LMCD1: variants seen among roughly 807,000 people sequenced by gnomAD.
The protein encoded by LMCD1 is LIM and cysteine rich domains 1.
In LMCD1, 32 loss-of-function variants were observed where a neutral mutation model predicts 42.7. The ratio of observed to expected loss-of-function variants is 0.75; its 90% CI spans 0.57 to 1.01. The LOEUF is 1.01. Among genes scored for constraint, LMCD1 ranks in the 50% least tolerant of loss-of-function variants. The pLI, the probability that LMCD1 is intolerant of heterozygous loss-of-function variation, is 0.00. For missense variants in LMCD1, 458 were observed against 483.1 expected (o/e 0.95, Z 0.49); for synonymous variants, 178 against 184.9 (o/e 0.96, Z 0.30).
At chr3:8,511,551 C>T (rs1418898763) in intron 1 of LMCD1, among the ~76,000 whole-genome samples, 2 of 152,122 alleles carry the variant, frequency 1.3e-5, no homozygotes, top group Admixed American at 6.5e-5. Flanking sequence ...TCAAGAAAGG[C>T]GTCCCAAAGA....
At chr3:8,557,312 A>C (rs1183494390) in intron 4 of LMCD1, among the ~76,000 whole-genome samples, 1 of 152,222 alleles carries the variant, frequency 6.6e-6, no homozygotes, top group Non-Finnish European at 1.5e-5. Flanking sequence ...CATAAGAGGA[A>C]ATGGAGAGAT....
intron 1 of LMCD1, among the ~76,000 whole-genome samples, chr3:8,502,717 C>G (rs367965989): frequency 2.0e-5 from 3 of 151,920 alleles, no homozygotes; most frequent in East Asian, 3.9e-4. Flanking sequence ...AGGGCTGGCC[C>G]GGAGCCCAGA....
chr3:8,554,643 G>A (rs1009563459), intron 4 of LMCD1, among the ~76,000 whole-genome samples: 3 of 152,158 alleles, frequency 2.0e-5, no homozygotes, highest in East Asian at 1.9e-4. Context: ...GGAGCCCCTC[G>A]CGCACTCTCC....
chr3:8,536,717 ACT>A (rs1559351049), intron 2 of LMCD1, among the ~76,000 whole-genome samples: 1 of 152,136 alleles, frequency 6.6e-6, no homozygotes, highest in Non-Finnish European at 1.5e-5. Flanking sequence ...TAAGCCAGAT[ACT>A]CTCTGTTGTA....
At chr3:8,514,048 ATG>A (rs746216297) in intron 1 of LMCD1, among the ~76,000 whole-genome samples, 54 of 151,396 alleles carry the variant, frequency 3.6e-4, no homozygotes, top group African/African-American at 1.0e-3. Flanking sequence ...TTGAATATTT[ATG>A]TGTGTGTGTG....
At chr3:8,541,413 G>A (rs1391330012) in intron 3 of LMCD1, among the ~76,000 whole-genome samples, 4 of 152,258 alleles carry the variant, frequency 2.6e-5, no homozygotes, top group Non-Finnish European at 2.9e-5. Context: ...GCCGGGTGTG[G>A]TAGCAGGCGC....
intron 1 of LMCD1, among the ~76,000 whole-genome samples, chr3:8,511,247 G>A (rs1422543489): frequency 1.3e-5 from 2 of 152,212 alleles, no homozygotes; most frequent in African/African-American, 4.8e-5. Flanking sequence ...AGGTGAAATG[G>A]TAAAGAGAAT....
chr3:8,527,306 T>C (rs965033590), intron 1 of LMCD1, among the ~76,000 whole-genome samples: 2 of 152,146 alleles, frequency 1.3e-5, no homozygotes, highest in Non-Finnish European at 2.9e-5. Context: ...TCAAAGGAGC[T>C]CCAATGGAGA....
chr3:8,558,486 C>T (rs909728312), intron 4 of LMCD1, among the ~76,000 whole-genome samples: 4 of 152,238 alleles, frequency 2.6e-5, no homozygotes, highest in African/African-American at 9.6e-5. Context: ...CACACATCCT[C>T]TACCCAGGTG....
chr3:8,528,629 A>G (rs1018281488), intron 1 of LMCD1, among the ~76,000 whole-genome samples: 1 of 152,238 alleles, frequency 6.6e-6, no homozygotes, highest in Non-Finnish European at 1.5e-5. Context: ...GAGTTACTCC[A>G]TGAGGAAGAA....
intron 3 of LMCD1, among the ~76,000 whole-genome samples, chr3:8,539,119 G>A (rs1439554305): frequency 6.6e-6 from 1 of 152,142 alleles, no homozygotes; most frequent in African/African-American, 2.4e-5. Context: ...CTAATCACAT[G>A]AGAGAGACCA....
intron 3 of LMCD1, among the ~76,000 whole-genome samples, chr3:8,546,008 T>TC (rs1296463659): frequency 6.6e-6 from 1 of 152,124 alleles, no homozygotes; most frequent in Non-Finnish European, 1.5e-5. Context: ...ACGCCTATAA[T>TC]CCCAGCCACT....
rs533778477 is a variant in LMCD1, at chr3:8,509,528, C to G, written c.42+7548C>G. Among the ~76,000 whole-genome samples the G allele has an allele frequency of 2.6e-5, 4 of 152,290 alleles. No homozygotes were observed. In the East Asian group the frequency reaches 5.8e-4, roughly 22 times the overall value. On this transcript the variant is annotated intron_variant, in intron 1 of 5. Coordinates refer to ENST00000157600, the MANE Select transcript of LMCD1 (RefSeq NM_014583.4). Reference sequence around the variant, plus strand: ...CATCTGTTATGTGCCAGCCACTGTGCTAAGTACTGAATACATGACAATGAA... The same window carrying G: ...CATCTGTTATGTGCCAGCCACTGTGGTAAGTACTGAATACATGACAATGAA...
In LMCD1 at chr3:8,545,298, A is replaced by G. The variant is rs796425368; in HGVS notation, c.388-3270A>G. 3.9e-5 allele frequency among the ~76,000 whole-genome samples: 6 copies of G among 152,326 alleles called. No homozygotes were observed. The South Asian group carries it at 1.2e-3, about 32-fold the overall frequency. ...TTCAGTTTTGAGAGAAACAAAATTCATGTTGCAAAGCCAGCAAATCTAAAA... is the reference window on the plus strand; with the variant it reads ...TTCAGTTTTGAGAGAAACAAAATTCGTGTTGCAAAGCCAGCAAATCTAAAA... On this transcript the variant is annotated intron_variant, in intron 3 of 5. Transcript: ENST00000157600.
At chr3:8,543,408 T>C (rs910325168) in intron 3 of LMCD1, among the ~76,000 whole-genome samples, 8 of 142,594 alleles carry the variant, frequency 5.6e-5, no homozygotes, top group African/African-American at 1.1e-4. Context: ...GATAGATAGA[T>C]AGATAGATAG....
chr3:8,543,539 G>A (rs1053778694), intron 3 of LMCD1, among the ~76,000 whole-genome samples: 1 of 152,196 alleles, frequency 6.6e-6, no homozygotes, highest in African/African-American at 2.4e-5. Flanking sequence ...CTAGACTGCA[G>A]TGGTGTGATC....
At chr3:8,554,141 T>A (rs1694889400) in intron 4 of LMCD1, among the ~76,000 whole-genome samples, 2 of 152,032 alleles carry the variant, frequency 1.3e-5, no homozygotes, top group African/African-American at 4.8e-5. Flanking sequence ...AACTCCCGGG[T>A]TCAAACCATC....
chr3:8,553,385 A>T (rs560854199), intron 4 of LMCD1, among the ~76,000 whole-genome samples: 1 of 152,216 alleles, frequency 6.6e-6, no homozygotes, highest in South Asian at 2.1e-4. Context: ...AAAAATGTCC[A>T]CACCAGAGAA....
Position 8,537,127 on chromosome 3 carries a change from G to C in LMCD1, c.132-58G>C, listed in dbSNP as rs190663009. 3.1e-5 allele frequency: 49 copies of C among 1,573,394 alleles called. 1 individual carries two copies. Among genetic ancestry groups the C allele is most frequent in the Middle Eastern group, 1.7e-4 (1 of 5,920 alleles). ...AAAAGGGTAGATGCTGCTAGCAGGA[G>C]AATGTGCCTCTTTTTCCTGGAGGTT... On this transcript the variant is annotated intron_variant, in intron 2 of 5. Coordinates refer to ENST00000157600, the MANE Select transcript of LMCD1 (RefSeq NM_014583.4).
Sources: gnomAD v4.1 joint callset for allele counts (sites outside exome capture counted in the v4.1 genomes callset) on GRCh38, gnomAD v4.1.1 for gene constraint, MANE v1.5 for transcripts, NCBI Gene and HGNC (gene_info 2026-07-23, HGNC 2026-07-21) for gene names.